Variants in MYH11 observed in about 807,000 individuals in gnomAD.
The protein encoded by MYH11 is myosin heavy chain 11.
Under a neutral mutation model 246.6 loss-of-function variants are expected in MYH11, and 80 were observed. The ratio of observed to expected loss-of-function variants is 0.32; its 90% confidence interval spans 0.27 to 0.39. The LOEUF (loss-of-function observed/expected upper bound fraction) is 0.39, where lower values mean the gene tolerates loss of function less well. Ranked by LOEUF, MYH11 falls within the 10% of genes least tolerant of loss-of-function variation. MYH11 has a pLI of 1.00. For synonymous variants in MYH11, 1,071 were observed against 1,015.5 expected, an observed-to-expected ratio of 1.05 and a Z score of -1.04; for missense variants, 2,158 against 2,546.8, an observed-to-expected ratio of 0.85 and a Z score of 3.29.
intron 3 of MYH11, among the ~76,000 whole-genome samples, chr16:15,810,255 G>A (rs528948268): frequency 1.8e-4 from 28 of 151,868 alleles, no homozygotes; most frequent in African/African-American, 5.3e-4. Flanking sequence ...GGCTGGTCTC[G>A]AACTCCTGAC....
chr16:15,820,440 C>A (rs1192701499), intron 3 of MYH11, among the ~76,000 whole-genome samples: 2 of 148,650 alleles, frequency 1.3e-5, no homozygotes, highest in Non-Finnish European at 3.0e-5. Context: ...CACCATTGCA[C>A]TCCAACCTGG....
At chr16:15,800,205 A>G (rs1214051592) in intron 3 of MYH11, among the ~76,000 whole-genome samples, 4 of 151,512 alleles carry the variant, frequency 2.6e-5, no homozygotes, top group African/African-American at 9.7e-5. Context: ...GAAGAAAGGA[A>G]AGAAGGAAGG....
intron 5 of MYH11, 104 bp from the exon 6 acceptor site, chr16:15,782,581 C>T: frequency 1.2e-6 from 1 of 815,358 alleles, no homozygotes; most frequent in South Asian, 1.4e-5. Context: ...CCCACAGGTT[C>T]TCTCCTATCT....
intron 3 of MYH11, among the ~76,000 whole-genome samples, chr16:15,816,668 G>A (rs1290101609): frequency 2.0e-5 from 3 of 152,026 alleles, no homozygotes; most frequent in Non-Finnish European, 4.4e-5. Context: ...CAAATCCAGA[G>A]GGTGAATGAG....
chr16:15,832,788 T>TCA (rs2043774789), intron 2 of MYH11, among the ~76,000 whole-genome samples: 1 of 151,778 alleles, frequency 6.6e-6, no homozygotes. Context: ...CCCACGACCA[T>TCA]CACCTCCTGC....
chr16:15,723,033 C>T (rs567770586), intron 31 of MYH11, among the ~76,000 whole-genome samples: 3 of 152,284 alleles, frequency 2.0e-5, no homozygotes, highest in South Asian at 4.1e-4. Context: ...CGTGAGCCAC[C>T]GTGCCTGGCC....
intron 27 of MYH11, among the ~76,000 whole-genome samples, chr16:15,728,435 A>C (rs2040862576): frequency 1.3e-5 from 2 of 152,204 alleles, no homozygotes; most frequent in African/African-American, 2.4e-5. Flanking sequence ...CAAGGCAACA[A>C]TCTGCCACAT....
intron 2 of MYH11, among the ~76,000 whole-genome samples, chr16:15,833,307 AAAAGAAAAAAGAAG>A (rs941780602): frequency 1.2e-4 from 18 of 151,880 alleles, no homozygotes; most frequent in South Asian, 6.3e-4. Flanking sequence ...AAAAGAAAGA[AAAAGAAAAAAGAAG>A]AAAGAAAAAA....
At chr16:15,738,382 G>T (rs373410625) in intron 24 of MYH11, among the ~76,000 whole-genome samples, 183 bp downstream of exon 24, 5 of 152,048 alleles carry the variant, frequency 3.3e-5, no homozygotes, top group Non-Finnish European at 2.9e-5. Flanking sequence ...GTGTGGTGAT[G>T]CACGCCTGTA....
intron 3 of MYH11, among the ~76,000 whole-genome samples, chr16:15,820,272 C>A (rs180936041): frequency 6.6e-6 from 1 of 152,018 alleles, no homozygotes; most frequent in African/African-American, 2.4e-5. Context: ...GTCAGGAGAT[C>A]GAGACCATCC....
intron 2 of MYH11, among the ~76,000 whole-genome samples, chr16:15,828,284 G>A (rs2043624710): frequency 6.6e-6 from 1 of 152,172 alleles, no homozygotes; most frequent in Admixed American, 6.5e-5. Flanking sequence ...TGTAGTAGGT[G>A]CTCAATCAAT....
chr16:15,806,640 G>A (rs1468597053), intron 3 of MYH11, among the ~76,000 whole-genome samples: 1 of 152,092 alleles, frequency 6.6e-6, no homozygotes, highest in East Asian at 1.9e-4. Context: ...TAAAAATGAT[G>A]TTCATTTTAT....
intron 3 of MYH11, among the ~76,000 whole-genome samples, chr16:15,813,876 C>T (rs1170730272): frequency 2.0e-5 from 3 of 151,406 alleles, no homozygotes; most frequent in Non-Finnish European, 2.9e-5. Flanking sequence ...GTAAAAAGGC[C>T]GGGCGTGGTG....
chr16:15,711,271 G>A (rs895949101), intron 40 of MYH11: 1 of 152,152 alleles, frequency 6.6e-6, no homozygotes, highest in African/African-American at 2.4e-5. Flanking sequence ...TCCGCTAACT[G>A]AACTGGGCCC....
At chr16:15,823,041 G>C (rs1051554488) in intron 3 of MYH11, among the ~76,000 whole-genome samples, 16 of 152,258 alleles carry the variant, frequency 1.1e-4, no homozygotes, top group Non-Finnish European at 2.9e-5. Context: ...AGCTGGAGCG[G>C]GCCCATGCCC....
intron 22 of MYH11, among the ~76,000 whole-genome samples, chr16:15,740,943 T>C (rs2041256226): frequency 6.6e-6 from 1 of 152,136 alleles, no homozygotes; most frequent in African/African-American, 2.4e-5. Context: ...CAAGCAGCCC[T>C]GAGGGGAGAG....
rs140395834 is a variant in MYH11, at chr16:15,721,485, G to C, written c.4515C>G (p.Thr1505=). The part of the protein sequence containing the change: ...ALEAKEELER[T]NKMLKAEMED... ...CCATTTCGGCTTTGAGCATTTTGTT[G>C]GTCCGCTCGAGTTCCTCTTTGGCTT... Residue 1505 remains threonine (T), a synonymous_variant, in exon 32 of 41, where the codon ACC becomes ACG. Transcript: ENST00000300036. 20 of 1,614,032 alleles carry C rather than the reference G, an allele frequency of 1.2e-5. No homozygotes were observed. Among genetic ancestry groups the C allele is most frequent in the Non-Finnish European group, 1.6e-5 (19 of 1,180,042 alleles).
intron 10 of MYH11, among the ~76,000 whole-genome samples, chr16:15,761,405 C>T (rs2041865424): frequency 6.6e-6 from 1 of 151,976 alleles, no homozygotes; most frequent in African/African-American, 2.4e-5. Context: ...GAGCCACTGG[C>T]CCTTGAGATT....
chr16:15,756,275 G>A (rs1447004381), intron 14 of MYH11, 66 bp downstream of exon 14: 1 of 1,568,644 alleles, frequency 6.4e-7, no homozygotes, highest in Non-Finnish European at 8.7e-7. Flanking sequence ...CTCTCAGACT[G>A]TCTCTGCGCT....
Sources: allele counts gnomAD v4.1 joint callset (sites outside exome capture counted in the v4.1 genomes callset), GRCh38; gene constraint gnomAD v4.1.1; transcripts MANE v1.5; gene names NCBI Gene and HGNC (gene_info 2026-07-23, HGNC 2026-07-21).